SOX6: variants seen among roughly 807,000 people sequenced by gnomAD.
SOX6 encodes transcription factor SOX-6.
In SOX6, 11 loss-of-function variants were observed where a neutral mutation model predicts 97.8. The observed-to-expected ratio is 0.11, with a 90% CI of 0.07 to 0.19. SOX6 has a LOEUF of 0.19. Among genes scored for constraint, SOX6 ranks in the 10% least tolerant of loss-of-function variants. The probability of loss-of-function intolerance (pLI) is 1.00; values close to 1 mark genes in which losing one functional copy is unlikely to be tolerated. For missense variants in SOX6, 810 were observed against 1,039.5 expected (o/e 0.78, Z 3.04); for synonymous variants, 360 against 371.4 (o/e 0.97, Z 0.35).
At chr11:16,523,182 T>C (rs1861099902) in intron 4 of SOX6, among the ~76,000 whole-genome samples, 1 of 152,094 alleles carries the variant, frequency 6.6e-6, no homozygotes, top group Non-Finnish European at 1.5e-5. Context: ...ATATACATTT[T>C]TTTTCAGCAC....
intron 1 of SOX6, among the ~76,000 whole-genome samples, chr11:16,452,737 C>T (rs941123082): frequency 1.3e-5 from 2 of 152,108 alleles, no homozygotes; most frequent in African/African-American, 4.8e-5. Context: ...TTTACATAGT[C>T]ATGAGGCACA....
intron 1 of SOX6, among the ~76,000 whole-genome samples, chr11:16,361,814 C>T (rs1857217597): frequency 6.6e-6 from 1 of 152,052 alleles, no homozygotes; most frequent in Non-Finnish European, 1.5e-5. Flanking sequence ...TTGCAAAATT[C>T]AGGAAAAAAT....
intron 11 of SOX6, 165 bp downstream of exon 11, chr11:16,049,590 C>G: frequency 1.2e-6 from 1 of 803,374 alleles, no homozygotes; most frequent in Non-Finnish European, 2.0e-6. Flanking sequence ...TCCAAAAGTT[C>G]TAATAAAAGA....
intron 3 of SOX6, among the ~76,000 whole-genome samples, chr11:16,274,208 A>G (rs970132440): frequency 6.6e-6 from 1 of 152,088 alleles, no homozygotes; most frequent in African/African-American, 2.4e-5. Context: ...TATTATCCCT[A>G]ATGCTAAAAA....
chr11:16,730,781 C>A (rs1564879704), intron 2 of SOX6, among the ~76,000 whole-genome samples: 1 of 151,870 alleles, frequency 6.6e-6, no homozygotes, highest in Non-Finnish European at 1.5e-5. Context: ...CATGAAAAAC[C>A]CTTCAAAAAA....
At chr11:16,515,613 GT>G (rs1314356197) in intron 4 of SOX6, among the ~76,000 whole-genome samples, 1 of 99,962 alleles carries the variant, frequency 1.0e-5, no homozygotes, top group Non-Finnish European at 2.0e-5. Context: ...TAGACATGAA[GT>G]CCTTGCCCAT....
chr11:16,390,402 A>G (rs1447625104), intron 1 of SOX6, among the ~76,000 whole-genome samples: 2 of 152,138 alleles, frequency 1.3e-5, no homozygotes, highest in Non-Finnish European at 2.9e-5. Flanking sequence ...CAGTGCCTTC[A>G]GATAGTTGTG....
intron 13 of SOX6, among the ~76,000 whole-genome samples, chr11:16,007,967 TAC>T (rs1321842061): frequency 6.6e-6 from 1 of 152,038 alleles, no homozygotes; most frequent in African/African-American, 2.4e-5. Context: ...GTTGGAGAAG[TAC>T]AGTCATTACT....
chr11:16,145,453 C>T (rs1850266615), intron 6 of SOX6, among the ~76,000 whole-genome samples: 1 of 152,284 alleles, frequency 6.6e-6, no homozygotes. Flanking sequence ...GACAGGGATG[C>T]CCTCTCTCAC....
chr11:16,586,569 G>T (rs931966285), intron 4 of SOX6, among the ~76,000 whole-genome samples: 5 of 151,998 alleles, frequency 3.3e-5, no homozygotes, highest in Admixed American at 2.0e-4. Flanking sequence ...AAAATTTTTT[G>T]ATTAGCTGGA....
intron 3 of SOX6, among the ~76,000 whole-genome samples, chr11:16,694,670 C>A (rs1848040117): frequency 6.6e-6 from 1 of 152,060 alleles, no homozygotes; most frequent in Admixed American, 6.6e-5. Flanking sequence ...CTCATGCTGT[C>A]TTATATAACT....
intron 12 of SOX6, chr11:16,015,291 A>C: frequency 1.8e-6 from 1 of 548,014 alleles, no homozygotes; most frequent in Non-Finnish European, 3.3e-6. Context: ...AACCTGCCAG[A>C]GCTTCTATGC....
intron 2 of SOX6, among the ~76,000 whole-genome samples, chr11:16,319,895 T>C (rs1373018124): frequency 1.3e-5 from 2 of 151,840 alleles, no homozygotes; most frequent in African/African-American, 4.8e-5. Flanking sequence ...ATGAGAAATA[T>C]TTTTCTTAAA....
At chr11:16,454,961 C>A in intron 1 of SOX6, among the ~76,000 whole-genome samples, 1 of 152,028 alleles carries the variant, frequency 6.6e-6, no homozygotes, top group Admixed American at 6.6e-5. Context: ...ATCTCTTAGA[C>A]TCTAAAGACT....
At chr11:16,074,905 T>C (rs920218720) in intron 9 of SOX6, among the ~76,000 whole-genome samples, 3 of 152,108 alleles carry the variant, frequency 2.0e-5, no homozygotes, top group South Asian at 2.1e-4. Context: ...AGAGCTTGAA[T>C]AGCCAAGGCA....
intron 6 of SOX6, among the ~76,000 whole-genome samples, chr11:16,112,949 C>A (rs949232616): frequency 6.6e-6 from 1 of 152,230 alleles, no homozygotes; most frequent in Admixed American, 6.5e-5. Context: ...GGGTATTTAG[C>A]CTTTTCACTG....
intron 15 of SOX6, among the ~76,000 whole-genome samples, chr11:15,974,885 A>AT (rs1170154525): frequency 6.6e-6 from 1 of 152,100 alleles, no homozygotes; most frequent in Non-Finnish European, 1.5e-5. Context: ...ATAAGTTATT[A>AT]TTTTTTCCAT....
At chr11:16,163,879 C>T (rs1429711588) in intron 6 of SOX6, among the ~76,000 whole-genome samples, 1 of 152,206 alleles carries the variant, frequency 6.6e-6, no homozygotes, top group African/African-American at 2.4e-5. Context: ...ATATTTGTAA[C>T]TCAACCATGG....
At chr11:16,388,622 T>A (rs1320388047) in intron 1 of SOX6, among the ~76,000 whole-genome samples, 1 of 152,134 alleles carries the variant, frequency 6.6e-6, no homozygotes, top group Non-Finnish European at 1.5e-5. Flanking sequence ...AAGAAATTTG[T>A]TTGTTTCATC....
Sources: gnomAD v4.1 joint callset for allele counts (sites outside exome capture counted in the v4.1 genomes callset) on GRCh38, gnomAD v4.1.1 for gene constraint, MANE v1.5 for transcripts, NCBI Gene and HGNC (gene_info 2026-07-23, HGNC 2026-07-21) for gene names.